The following STK38L variants were observed in gnomAD, a reference collection of about 807,000 sequenced individuals.
STK38L encodes serine/threonine kinase 38 like.
Under a neutral mutation model 59.7 loss-of-function variants are expected in STK38L, and 28 were observed. That is an observed-to-expected ratio of 0.47 (90% CI 0.35 to 0.64). The LOEUF is 0.64. Among genes scored for constraint, STK38L ranks in the 30% least tolerant of loss-of-function variants. The probability of loss-of-function intolerance (pLI) is 0.01; values close to 1 mark genes in which losing one functional copy is unlikely to be tolerated. For missense variants in STK38L, 314 were observed against 555.8 expected (o/e 0.56, Z 4.37); for synonymous variants, 162 against 176.8 (o/e 0.92, Z 0.66).
intron 1 of STK38L, among the ~76,000 whole-genome samples, chr12:27,257,721 A>G (rs541745979): frequency 5.9e-5 from 9 of 152,158 alleles, no homozygotes; most frequent in Admixed American, 5.2e-4. Context: ...ATTTCTCCAG[A>G]TATGAGCCAA....
intron 1 of STK38L, among the ~76,000 whole-genome samples, chr12:27,254,783 G>T (rs1487720753): frequency 6.6e-6 from 1 of 152,132 alleles, no homozygotes; most frequent in African/African-American, 2.4e-5. Flanking sequence ...CTTGTGGGGT[G>T]GTAGGGGAGG....
At chr12:27,299,180 A>G (rs1944103378) in intron 2 of STK38L, among the ~76,000 whole-genome samples, 1 of 152,236 alleles carries the variant, frequency 6.6e-6, no homozygotes, top group Non-Finnish European at 1.5e-5. Flanking sequence ...GGGCAAACTG[A>G]GAGTGGTACA....
Position 27,260,483 on chromosome 12 carries a change from C to T in STK38L, c.-12+16151C>T, listed in dbSNP as rs140573061. Among the ~76,000 whole-genome samples the T allele has an allele frequency of 5.0e-3, 758 of 152,222 alleles. 11 individuals are homozygous for T. Among genetic ancestry groups the T allele is most frequent in the African/African-American group, 0.017 (715 of 41,512 alleles). ...AGGAGTAATCCAAAGTCCTTACTGT[C>T]TTTGCGGGGTTTTACACGTTCTTGC... On this transcript the variant is annotated intron_variant, in intron 1 of 13. Coordinates refer to ENST00000389032, the MANE Select transcript of STK38L (RefSeq NM_015000.4).
rs774929030 is a variant in STK38L, at chr12:27,322,321, T to C, written c.1268-7T>C. ...TAATGAAATTCCTTTATTTTTTCTC[T>C]TTCTAGTGCCAAATACCACAGAACC... is the stretch of plus-strand genomic sequence containing the variant. On this transcript the variant is annotated splice_region_variant and splice_polypyrimidine_tract_variant and intron_variant, in intron 13 of 13. Transcript: ENST00000389032. 1 of 1,613,198 alleles carries C rather than the reference T, an allele frequency of 6.2e-7. No individual in the cohort carries two copies. Among genetic ancestry groups the C allele is most frequent in the Non-Finnish European group, 8.5e-7 (1 of 1,179,788 alleles).
Position 27,308,277 on chromosome 12 carries a change from A to G in STK38L, c.187-62A>G. On this transcript the variant is annotated intron_variant, in intron 3 of 13. Coordinates refer to ENST00000389032, the MANE Select transcript of STK38L (RefSeq NM_015000.4). The surrounding 1 kb of genome is among the most constrained non-coding windows in gnomAD (Gnocchi z 4.5). ...TTTACGTGTATCATCTTTTAATACT[A>G]GAAGCTCCATCAAAACAACCTAATT... 2.9e-6 allele frequency: 4 copies of G among 1,403,504 alleles called. No individual in the cohort carries two copies. The highest frequency in any genetic ancestry group is 1.5e-5 in the South Asian group (1 of 66,438). The allele number at this position is 1,403,504 out of a possible 1,614,324, so 86.9% of individuals were successfully genotyped here.
intron 1 of STK38L, among the ~76,000 whole-genome samples, chr12:27,287,041 G>A (rs1251165132): frequency 6.6e-6 from 1 of 150,986 alleles, no homozygotes; most frequent in African/African-American, 2.4e-5. Flanking sequence ...CATTAAAAAA[G>A]CTATGTATGA....
chr12:27,260,768 C>T (rs1384301381), intron 1 of STK38L, among the ~76,000 whole-genome samples: 1 of 152,120 alleles, frequency 6.6e-6, no homozygotes, highest in Non-Finnish European at 1.5e-5. Flanking sequence ...CTTTCCATCC[C>T]CTCGCCCCAC....
chr12:27,308,919 A>AAT lies in STK38L; in HGVS notation c.310-187_310-186dup, dbSNP rs1233384709. On this transcript the variant is annotated intron_variant, in intron 4 of 13. Transcript: ENST00000389032. This position sits in a 1 kb window ranked among gnomAD's most constrained non-coding sequence, Gnocchi z 4.5. ...ATATAAATATATATAAATATATATT[A>AAT]ATATATATAAAATATATATAAATAT... is the stretch of plus-strand genomic sequence containing the variant. Among the ~76,000 whole-genome samples, 1 of 146,082 alleles carries AAT rather than the reference A, an allele frequency of 6.8e-6. No homozygotes were observed. The highest frequency in any genetic ancestry group is 1.5e-5 in the Non-Finnish European group (1 of 66,470).
In STK38L at chr12:27,319,255, T is replaced by G. The variant is rs1467576109; in HGVS notation, c.1080-73T>G. 7 of 872,636 alleles carry G rather than the reference T, an allele frequency of 8.0e-6. No homozygotes were observed. In the East Asian group the frequency reaches 1.8e-4, roughly 22 times the overall value. The allele number at this position is 872,636 out of a possible 1,614,324, so 54.1% of individuals were successfully genotyped here. On this transcript the variant is annotated intron_variant, in intron 11 of 13. Coordinates refer to ENST00000389032, the MANE Select transcript of STK38L (RefSeq NM_015000.4). ...ACATTATATTTCTTTAAAAAAGAAA[T>G]ATTTGAAGTAATGCAGCTAGAATAC... is the stretch of plus-strand genomic sequence containing the variant.
intron 1 of STK38L, among the ~76,000 whole-genome samples, chr12:27,274,491 A>G (rs138028232): frequency 5.9e-5 from 9 of 152,338 alleles, no homozygotes; most frequent in African/African-American, 1.9e-4. Context: ...TGTGCATTTT[A>G]TCACGTCACT....
At chr12:27,266,401 T>C (rs1943302086) in intron 1 of STK38L, among the ~76,000 whole-genome samples, 1 of 152,224 alleles carries the variant, frequency 6.6e-6, no homozygotes, top group Non-Finnish European at 1.5e-5. Context: ...ATTTGAAACA[T>C]GAATATCTGT....
At chr12:27,252,653 T>C (rs1459550555) in intron 1 of STK38L, among the ~76,000 whole-genome samples, 1 of 152,218 alleles carries the variant, frequency 6.6e-6, no homozygotes, top group Non-Finnish European at 1.5e-5. Flanking sequence ...TTTTCAGATC[T>C]GGTTGAGGAT....
At chr12:27,264,910 A>G (rs1468507906) in intron 1 of STK38L, among the ~76,000 whole-genome samples, 1 of 152,230 alleles carries the variant, frequency 6.6e-6, no homozygotes, top group Non-Finnish European at 1.5e-5. Context: ...TTGGATGACA[A>G]AAACATAGGA....
chr12:27,293,677 A>G (rs1943945830), intron 1 of STK38L: 1 of 152,050 alleles, frequency 6.6e-6, no homozygotes, highest in Non-Finnish European at 1.5e-5. Context: ...GCTCCCTCCA[A>G]GGCCAAACCC....
chr12:27,315,149 C>T, intron 8 of STK38L, 32 bp downstream of exon 8: 1 of 1,596,220 alleles, frequency 6.3e-7, no homozygotes. Flanking sequence ...CTTCTTTCCC[C>T]TGGTTAAGAT....
At chr12:27,250,996 C>CA (rs34643896) in intron 1 of STK38L, among the ~76,000 whole-genome samples, 7,992 of 104,706 alleles carry the variant, frequency 0.076, 339 homozygotes, top group Middle Eastern at 0.14. Context: ...GACTCTGTCT[C>CA]AAAAAAAAAA....
At chr12:27,286,966 GT>G (rs1387336129) in intron 1 of STK38L, among the ~76,000 whole-genome samples, 1 of 151,872 alleles carries the variant, frequency 6.6e-6, no homozygotes, top group Non-Finnish European at 1.5e-5. Context: ...AACTATTCCT[GT>G]TTATTATCAA....
At chr12:27,284,935 A>G (rs1398020886) in intron 1 of STK38L, among the ~76,000 whole-genome samples, 1 of 152,186 alleles carries the variant, frequency 6.6e-6, no homozygotes, top group Non-Finnish European at 1.5e-5. Context: ...TTAACACAAT[A>G]TCTGAGTCTG....
chr12:27,303,190 C>T (rs370276207), intron 3 of STK38L, among the ~76,000 whole-genome samples: 2 of 151,830 alleles, frequency 1.3e-5, no homozygotes, highest in African/African-American at 4.8e-5. Flanking sequence ...AACTCTTCCT[C>T]ACTCCTACCC....
Sources: allele counts gnomAD v4.1 joint callset (sites outside exome capture counted in the v4.1 genomes callset), GRCh38; gene constraint gnomAD v4.1.1; non-coding constraint Gnocchi (gnomAD v3.1); transcripts MANE v1.5; gene names NCBI Gene and HGNC (gene_info 2026-07-23, HGNC 2026-07-21).